SRSF4: variants seen among roughly 807,000 people sequenced by gnomAD.
SRSF4 encodes serine and arginine rich splicing factor 4, also known as serine/arginine-rich splicing factor 4.
In SRSF4, 12 loss-of-function variants were observed where a neutral mutation model predicts 48.8. That is an observed-to-expected ratio of 0.25 (90% CI 0.16 to 0.40). The LOEUF is 0.40. Among genes scored for constraint, SRSF4 ranks in the 10% least tolerant of loss-of-function variants. The pLI is 1.00. For missense variants in SRSF4, 466 were observed against 667.1 expected, an observed-to-expected ratio of 0.70 and a Z score of 3.32; for synonymous variants, 248 against 232.5, an observed-to-expected ratio of 1.07 and a Z score of -0.61.
intron 1 of SRSF4, among the ~76,000 whole-genome samples, chr1:29,174,055 G>A (rs960937975): frequency 2.6e-5 from 4 of 151,764 alleles, no homozygotes; most frequent in Admixed American, 2.0e-4. Context: ...GGGGTGTGGT[G>A]GCAGGCGCCT....
rs753868143 is a variant in SRSF4, at chr1:29,160,549, A to C, written c.108-32T>G. 3.8e-6 allele frequency: 6 copies of C among 1,568,470 alleles called. No homozygotes were observed. The Admixed American group carries it at 1.2e-4, about 30-fold the overall frequency. On this transcript the variant is annotated intron_variant, in intron 1 of 5. Transcript: ENST00000373795. ...GAGAGCAAAGAAAATACTGGTTGGT[A>C]CCATTTTGACATCCAGCTTCACTAA...
Position 29,160,524 on chromosome 1 carries a change from G to T in SRSF4, c.108-7C>A, listed in dbSNP as rs373951333. The T allele has an allele frequency of 4.4e-6, 7 of 1,596,368 alleles. No individual in the cohort carries two copies. The African/African-American group carries it at 8.1e-5, about 19-fold the overall frequency. ...AAACTCCACAAAACCATATCTAGAAGAGAGCAAAGAAAATACTGGTTGGTA... is the reference window on the plus strand; with the variant it reads ...AAACTCCACAAAACCATATCTAGAATAGAGCAAAGAAAATACTGGTTGGTA... On this transcript the variant is annotated splice_region_variant and splice_polypyrimidine_tract_variant and intron_variant, in intron 1 of 5. Transcript: ENST00000373795.
intron 1 of SRSF4, among the ~76,000 whole-genome samples, chr1:29,174,680 T>TG (rs1672809131): frequency 2.7e-5 from 4 of 149,164 alleles, no homozygotes; most frequent in African/African-American, 9.8e-5. Context: ...GATAGGTTTT[T>TG]TTTTTTTTTT....
intron 4 of SRSF4, among the ~76,000 whole-genome samples, chr1:29,153,935 C>T (rs943494251): frequency 2.6e-5 from 4 of 151,640 alleles, no homozygotes; most frequent in Non-Finnish European, 4.4e-5. Context: ...GTCTCCCTGT[C>T]GCCCAGGCTG....
intron 1 of SRSF4, among the ~76,000 whole-genome samples, chr1:29,178,433 T>G (rs572593703): frequency 6.7e-6 from 1 of 148,182 alleles, no homozygotes; most frequent in Admixed American, 6.8e-5. Flanking sequence ...AAGCTCCACC[T>G]CCCAGGTTCA....
intron 5 of SRSF4, among the ~76,000 whole-genome samples, chr1:29,149,694 AAAAAAAAAAAAG>A (rs1466141654): frequency 4.6e-5 from 6 of 129,344 alleles, no homozygotes; most frequent in African/African-American, 1.3e-4. Flanking sequence ...GGGGGAAAAA[AAAAAAAAAAAAG>A]AAAAAGAAGC....
In SRSF4 at chr1:29,150,181, C is replaced by T. The variant is rs188144655; in HGVS notation, c.590G>A (p.Arg197Gln). The T allele has an allele frequency of 1.1e-5, 18 of 1,613,794 alleles. No individual in the cohort carries two copies. Among genetic ancestry groups the T allele is most frequent in the South Asian group, 5.5e-5 (5 of 91,072 alleles). ...RSRSHSRSRS[R>Q]SRHSRKSRSR... is the part of the protein sequence containing the mutation. ...TCTGCTCTTACGGGAATGTCTGCTT[C>T]GAGAGCGAGACCTAGGGGGAGAAAA... The change falls in exon 5 of 6, where the codon CGA becomes CAA. Residue 197 changes from arginine (R) to glutamine (Q), a missense_variant. Arg to Gln is a conservative substitution (Grantham distance 43). This residue lies in a region of SRSF4 where 402 missense variants were observed against 437.0 expected (regional missense o/e 0.92). Coordinates refer to ENST00000373795, the MANE Select transcript of SRSF4 (RefSeq NM_005626.5).
intron 1 of SRSF4, chr1:29,165,783 C>T (rs1672662557): frequency 6.6e-6 from 1 of 152,286 alleles, no homozygotes; most frequent in South Asian, 2.1e-4. Context: ...AGCAAGCCTC[C>T]ATGCGTGTGA....
chr1:29,179,414 C>A (rs972043520), intron 1 of SRSF4, among the ~76,000 whole-genome samples: 5 of 152,140 alleles, frequency 3.3e-5, no homozygotes, highest in African/African-American at 1.2e-4. Flanking sequence ...GACTGGAGTG[C>A]AGTGTCACAA....
intron 4 of SRSF4, among the ~76,000 whole-genome samples, chr1:29,152,489 T>C (rs1672426154): frequency 1.3e-5 from 2 of 152,226 alleles, no homozygotes; most frequent in African/African-American, 4.8e-5. Context: ...TCTGGCCTAA[T>C]GGTCAGTATA....
At chr1:29,165,827 G>C (rs776291870) in intron 1 of SRSF4, 1 of 152,280 alleles carries the variant, frequency 6.6e-6, no homozygotes, top group Non-Finnish European at 1.5e-5. Flanking sequence ...TTACCGAGGG[G>C]CATGCCTTGG....
Position 29,151,679 on chromosome 1 carries a change from A to G in SRSF4, c.579-1487T>C, listed in dbSNP as rs1025449430. Among the ~76,000 whole-genome samples, 4 of 152,328 alleles carry G rather than the reference A, an allele frequency of 2.6e-5. No individual in the cohort carries two copies. In the East Asian group the frequency reaches 5.8e-4, roughly 22 times the overall value. ...ATGGAGTAACTGGGGAAACATGAAT[A>G]TGGCCTGGGCATTTAGTAATTAGAT... is the stretch of plus-strand genomic sequence containing the variant. On this transcript the variant is annotated intron_variant, in intron 4 of 5. Transcript: ENST00000373795.
chr1:29,165,826 G>C (rs1672663318), intron 1 of SRSF4: 1 of 152,236 alleles, frequency 6.6e-6, no homozygotes, highest in African/African-American at 2.4e-5. Flanking sequence ...CTTACCGAGG[G>C]GCATGCCTTG....
At chr1:29,169,183 A>G (rs1672712518) in intron 1 of SRSF4, 1 of 152,222 alleles carries the variant, frequency 6.6e-6, no homozygotes, top group African/African-American at 2.4e-5. Flanking sequence ...GTTTACTGTC[A>G]TCTGACAGAT....
intron 4 of SRSF4, among the ~76,000 whole-genome samples, chr1:29,153,939 C>G (rs577438010): frequency 6.6e-6 from 1 of 152,108 alleles, no homozygotes; most frequent in Non-Finnish European, 1.5e-5. Context: ...CCCTGTCGCC[C>G]AGGCTGGAGT....
chr1:29,168,755 A>T (rs1362215875), intron 1 of SRSF4: 1 of 152,224 alleles, frequency 6.6e-6, no homozygotes, highest in African/African-American at 2.4e-5. Context: ...GACCAGCATA[A>T]AGAAGATGAA....
chr1:29,153,723 C>T (rs541631931), intron 4 of SRSF4, among the ~76,000 whole-genome samples: 8 of 151,612 alleles, frequency 5.3e-5, no homozygotes, highest in South Asian at 2.1e-4. Context: ...CTCAGCCTCC[C>T]GAGTAGCTGG....
chr1:29,163,776 G>A (rs1265952017), intron 1 of SRSF4, among the ~76,000 whole-genome samples: 6 of 152,116 alleles, frequency 3.9e-5, no homozygotes, highest in Admixed American at 2.0e-4. Context: ...AAACCCCGCC[G>A]AGCTGGCATT....
At chr1:29,181,407 C>T (rs1460709586) in intron 1 of SRSF4, among the ~76,000 whole-genome samples, 1 of 152,146 alleles carries the variant, frequency 6.6e-6, no homozygotes, top group Non-Finnish European at 1.5e-5. Context: ...GGCTTTCCTT[C>T]TCCCCGTCCC....
Sources: gnomAD v4.1 joint callset for allele counts (sites outside exome capture counted in the v4.1 genomes callset) on GRCh38, gnomAD v4.1.1 for gene constraint, gnomAD v4.1.1 regional missense constraint, MANE v1.5 for transcripts, NCBI Gene and HGNC (gene_info 2026-07-23, HGNC 2026-07-21) for gene names.